ZNF536: variants seen among roughly 807,000 people sequenced by gnomAD.
ZNF536 encodes zinc finger protein 536.
ZNF536 carries 13 observed loss-of-function variants against 84.5 expected under a neutral mutation model. That is an observed-to-expected ratio of 0.15 (90% CI 0.10 to 0.24). The LOEUF (loss-of-function observed/expected upper bound fraction) is 0.24. ZNF536 is among the 10% of genes least tolerant of loss of function. The pLI, the probability that ZNF536 is intolerant of heterozygous loss-of-function variation, is 1.00. For synonymous variants in ZNF536, 811 were observed against 742.5 expected (o/e 1.09, Z -1.50); for missense variants, 1,536 against 1,747.5 (o/e 0.88, Z 2.16).
At chr19:30,498,879 G>GT (rs2054831526) in intron 2 of ZNF536, among the ~76,000 whole-genome samples, 1 of 152,118 alleles carries the variant, frequency 6.6e-6, no homozygotes, top group Non-Finnish European at 1.5e-5. Flanking sequence ...AGTAGGCAGC[G>GT]AGCATGCAGC....
At chr19:30,621,854 C>T (rs1240059296) in intron 1 of ZNF536, among the ~76,000 whole-genome samples, 1 of 152,250 alleles carries the variant, frequency 6.6e-6, no homozygotes, top group African/African-American at 2.4e-5. Context: ...GTCTTTCTCT[C>T]TCTTTCAAAC....
At chr19:30,518,215 G>A (rs1431704536) in intron 2 of ZNF536, among the ~76,000 whole-genome samples, 1 of 152,212 alleles carries the variant, frequency 6.6e-6, no homozygotes, top group Admixed American at 6.5e-5. Context: ...CGAAGGGGCA[G>A]CAGCAACCTG....
At chr19:30,520,939 G>C (rs751950341) in intron 2 of ZNF536, among the ~76,000 whole-genome samples, 20 of 152,222 alleles carry the variant, frequency 1.3e-4, no homozygotes, top group Non-Finnish European at 2.2e-4. Flanking sequence ...ACGGAGCCCA[G>C]AGCCGGCCAT....
chr19:30,486,840 A>G (rs1376408316), intron 2 of ZNF536, among the ~76,000 whole-genome samples: 1 of 152,232 alleles, frequency 6.6e-6, no homozygotes, highest in Non-Finnish European at 1.5e-5. Flanking sequence ...ACTTGGTCCT[A>G]GTACTCCACA....
At chr19:30,576,937 G>A (rs149870046) in intron 1 of ZNF536, among the ~76,000 whole-genome samples, 2 of 152,266 alleles carry the variant, frequency 1.3e-5, no homozygotes, top group African/African-American at 4.8e-5. Flanking sequence ...CCTCACAGTT[G>A]TACTTTAAAT....
At chr19:30,282,620 C>T (rs2045489639) in intron 1 of ZNF536, among the ~76,000 whole-genome samples, 1 of 152,186 alleles carries the variant, frequency 6.6e-6, no homozygotes, top group African/African-American at 2.4e-5. Flanking sequence ...AACCCCCTCC[C>T]TAAACATAAG....
intron 1 of ZNF536, among the ~76,000 whole-genome samples, chr19:30,591,433 A>G (rs115074354): frequency 5.3e-5 from 8 of 152,342 alleles, no homozygotes; most frequent in Admixed American, 3.3e-4. Context: ...CATGTCTTCC[A>G]TGGCGGCAGG....
chr19:30,455,323 T>C (rs2052788456), intron 2 of ZNF536, among the ~76,000 whole-genome samples: 1 of 152,226 alleles, frequency 6.6e-6, no homozygotes, highest in Non-Finnish European at 1.5e-5. Flanking sequence ...AGTTTATGTA[T>C]AGATTTTAGG....
chr19:30,689,745 A>G (rs1191195829), intron 1 of ZNF536, among the ~76,000 whole-genome samples: 1 of 152,170 alleles, frequency 6.6e-6, no homozygotes, highest in African/African-American at 2.4e-5. Context: ...GGAGGGCAAA[A>G]GCTCCTAGTG....
At chr19:30,378,194 A>C (rs1000544106) in intron 1 of ZNF536, among the ~76,000 whole-genome samples, 1 of 151,750 alleles carries the variant, frequency 6.6e-6, no homozygotes. Context: ...ACAAATTTTC[A>C]CTCAGTCACC....
At chr19:30,600,672 C>T (rs919191687) in intron 1 of ZNF536, among the ~76,000 whole-genome samples, 1 of 152,204 alleles carries the variant, frequency 6.6e-6, no homozygotes, top group Non-Finnish European at 1.5e-5. Flanking sequence ...GCCTGGCCAG[C>T]ACCCCTGGTG....
intron 1 of ZNF536, among the ~76,000 whole-genome samples, chr19:30,267,755 C>T (rs1430631360): frequency 1.3e-5 from 2 of 152,140 alleles, no homozygotes. Context: ...TTTGACCCTT[C>T]CTTACTTTAG....
intron 1 of ZNF536, among the ~76,000 whole-genome samples, chr19:30,383,223 G>T (rs1415083050): frequency 1.3e-5 from 2 of 152,202 alleles, no homozygotes; most frequent in Non-Finnish European, 2.9e-5. Flanking sequence ...CCAGGAGGCG[G>T]AGGTTGCAGT....
chr19:30,583,585 G>C (rs1048807167), intron 1 of ZNF536, among the ~76,000 whole-genome samples: 4 of 152,166 alleles, frequency 2.6e-5, no homozygotes, highest in African/African-American at 9.7e-5. Context: ...CTTCCTTCCA[G>C]AATCAAGGCT....
chr19:30,461,177 G>A (rs757998999), intron 2 of ZNF536, among the ~76,000 whole-genome samples: 14 of 152,144 alleles, frequency 9.2e-5, no homozygotes, highest in African/African-American at 2.4e-4. Context: ...AGGGGACAGC[G>A]TATCAGCGGT....
chr19:30,620,770 C>A (rs1253899525), intron 1 of ZNF536, among the ~76,000 whole-genome samples: 1 of 151,976 alleles, frequency 6.6e-6, no homozygotes, highest in Non-Finnish European at 1.5e-5. Context: ...ACACGAAATG[C>A]AAAACAACAT....
intron 1 of ZNF536, among the ~76,000 whole-genome samples, chr19:30,283,441 C>T (rs1386177550): frequency 1.3e-5 from 2 of 152,236 alleles, no homozygotes; most frequent in Non-Finnish European, 2.9e-5. Context: ...GTGGGACTTA[C>T]ATCAGTGATA....
intron 3 of ZNF536, among the ~76,000 whole-genome samples, chr19:30,359,122 A>G (rs1389490313): frequency 6.7e-6 from 1 of 150,346 alleles, no homozygotes. Flanking sequence ...AAGTCAGAAA[A>G]AAAGGAATCC....
intron 2 of ZNF536, among the ~76,000 whole-genome samples, chr19:30,347,966 G>A (rs1467501449): frequency 6.6e-6 from 1 of 152,202 alleles, no homozygotes. Flanking sequence ...AACCCGCCAC[G>A]TGGGCATGCT....
Sources: allele counts gnomAD v4.1 joint callset (sites outside exome capture counted in the v4.1 genomes callset), GRCh38; gene constraint gnomAD v4.1.1; transcripts MANE v1.5; gene names NCBI Gene and HGNC (gene_info 2026-07-23, HGNC 2026-07-21).